Variants in EHMT1 observed in about 807,000 individuals in gnomAD.
EHMT1 encodes histone-lysine N-methyltransferase EHMT1.
A neutral mutation model predicts 147.2 loss-of-function variants in EHMT1; 15 were observed. The observed-to-expected ratio is 0.10, with a 90% CI of 0.07 to 0.16. The LOEUF (loss-of-function observed/expected upper bound fraction) is 0.16, where lower values mean the gene tolerates loss of function less well. Ranked by LOEUF, EHMT1 falls within the 10% of genes least tolerant of loss-of-function variation. The probability of loss-of-function intolerance (pLI) is 1.00; values close to 1 mark genes in which losing one functional copy is unlikely to be tolerated. For synonymous variants in EHMT1, 795 were observed against 709.6 expected (o/e 1.12, Z -1.91); for missense variants, 1,587 against 1,772.4 (o/e 0.90, Z 1.88).
chr9:137,646,998 T>C (rs967978969), intron 1 of EHMT1, among the ~76,000 whole-genome samples: 1 of 152,148 alleles, frequency 6.6e-6, no homozygotes, highest in Non-Finnish European at 1.5e-5. Context: ...TTCTCAGCCT[T>C]CGTCTTACTG....
In EHMT1 at chr9:137,732,785, A is replaced by C. The variant is rs1588430730; in HGVS notation, c.823+4256A>C. Among the ~76,000 whole-genome samples the C allele has an allele frequency of 6.6e-6, 1 of 151,994 alleles. No individual in the cohort carries two copies. Among genetic ancestry groups the C allele is most frequent in the South Asian group, 2.1e-4 (1 of 4,796 alleles). ...TGCCATTATCACTTTTATTTCTTCA[A>C]CTGTCACTCCATTGCCTGCCATTCA... On this transcript the variant is annotated intron_variant, in intron 4 of 26. Coordinates refer to ENST00000460843, the MANE Select transcript of EHMT1 (RefSeq NM_024757.5). This position sits in a 1 kb window ranked among gnomAD's most constrained non-coding sequence, Gnocchi z 4.6.
rs1048496544 is a variant in EHMT1 at position 137,619,068 on chromosome 9, G to GGGGGGCGGCGCGGGGGCGGCGC, written c.21+40_21+41insCGGGGGCGGCGCGGGGGCGGCG. ...TGCCGAGGTGAGCAGCGGGGCCGGC[G>GGGGGGCGGCGCGGGGGCGGCGC]GGGGGCGGCGCGGGGGCGGCGGGCA... On this transcript the variant is annotated intron_variant, in intron 1 of 26. Transcript: ENST00000460843. The GGGGGGCGGCGCGGGGGCGGCGC allele has an allele frequency of 1.1e-6, 1 of 874,530 alleles. No individual in the cohort carries two copies. 54.2% of individuals were successfully genotyped at this position (874,530 alleles called of 1,614,324 possible).
At chr9:137,792,278 AT>A in intron 16 of EHMT1, 2 of 334,120 alleles carry the variant, frequency 6.0e-6, no homozygotes, top group South Asian at 2.5e-5. Context: ...ATGGTCACTG[AT>A]TTTTGGCAAA....
At chr9:137,674,285 T>A (rs1941007895) in intron 1 of EHMT1, among the ~76,000 whole-genome samples, 1 of 152,248 alleles carries the variant, frequency 6.6e-6, no homozygotes, top group Non-Finnish European at 1.5e-5. Flanking sequence ...AGCCCTGTTC[T>A]GAGACCAAAT....
At chr9:137,810,921 G>A (rs1043489455) in intron 18 of EHMT1, among the ~76,000 whole-genome samples, 3 of 151,962 alleles carry the variant, frequency 2.0e-5, no homozygotes, top group Non-Finnish European at 2.9e-5. Flanking sequence ...GGCTGGTCTC[G>A]AACTCCTGAC....
intron 3 of EHMT1, 80 bp downstream of exon 3, chr9:137,717,262 G>T: frequency 6.5e-7 from 1 of 1,536,936 alleles, no homozygotes; most frequent in African/African-American, 1.4e-5. Flanking sequence ...TTGGTGCATT[G>T]AGGAGAAGCC....
chr9:137,688,428 C>A (rs1329576106), intron 1 of EHMT1, among the ~76,000 whole-genome samples: 1 of 152,210 alleles, frequency 6.6e-6, no homozygotes, highest in Non-Finnish European at 1.5e-5. Flanking sequence ...CTGCTGGACT[C>A]TTTATCCCAC....
intron 10 of EHMT1, chr9:137,763,451 C>T (rs1342564577): frequency 1.8e-5 from 3 of 165,740 alleles, no homozygotes; most frequent in Non-Finnish European, 4.0e-5. Flanking sequence ...GGCACCAGGC[C>T]GAGAGGCACC....
intron 25 of EHMT1, among the ~76,000 whole-genome samples, chr9:137,830,112 G>A (rs7850291): frequency 8.7e-6 from 1 of 115,050 alleles, no homozygotes; most frequent in East Asian, 2.1e-4. Flanking sequence ...TTTTTTTTTT[G>A]TTTACATTTT....
intron 1 of EHMT1, among the ~76,000 whole-genome samples, chr9:137,673,991 G>A (rs1940965385): frequency 6.6e-6 from 1 of 152,186 alleles, no homozygotes. Flanking sequence ...CTGTTGTCTT[G>A]GAATAGAGCC....
At chr9:137,827,164 GC>G (rs1452172621) in intron 25 of EHMT1, among the ~76,000 whole-genome samples, 1 of 152,104 alleles carries the variant, frequency 6.6e-6, no homozygotes, top group Non-Finnish European at 1.5e-5. Flanking sequence ...ACTCCTTGAT[GC>G]CCCAGAGCTG....
intron 1 of EHMT1, chr9:137,685,395 G>A (rs1475894003): frequency 6.6e-6 from 1 of 152,182 alleles, no homozygotes; most frequent in Non-Finnish European, 1.5e-5. Context: ...GTAGCATAAG[G>A]TTTTCAAGAT....
intron 1 of EHMT1, 78 bp from the exon 2 acceptor site, chr9:137,710,889 A>G (rs889873177): frequency 6.0e-6 from 9 of 1,500,418 alleles, no homozygotes; most frequent in African/African-American, 4.2e-5. Flanking sequence ...CGATTTTTTG[A>G]CTTTTTCCAA....
At chr9:137,662,798 TTA>T (rs1491025303) in intron 1 of EHMT1, among the ~76,000 whole-genome samples, 5 of 146,550 alleles carry the variant, frequency 3.4e-5, no homozygotes, top group Middle Eastern at 3.5e-3. Context: ...ATTTATTTAT[TTA>T]TTTATTTATT....
At chr9:137,620,171 A>T (rs1364935631) in intron 1 of EHMT1, 1 of 152,192 alleles carries the variant, frequency 6.6e-6, no homozygotes, top group East Asian at 1.9e-4. Context: ...CAATGCAAGG[A>T]GTTTTTGCTG....
intron 25 of EHMT1, among the ~76,000 whole-genome samples, chr9:137,821,387 G>T (rs1007375024): frequency 2.8e-5 from 4 of 144,150 alleles, no homozygotes; most frequent in Non-Finnish European, 6.0e-5. Flanking sequence ...GAGTGCAGTG[G>T]CATAATCATA....
intron 25 of EHMT1, among the ~76,000 whole-genome samples, chr9:137,832,129 G>T (rs1034650566): frequency 4.1e-5 from 6 of 146,744 alleles, no homozygotes; most frequent in African/African-American, 1.5e-4. Context: ...TCCCTCCGCA[G>T]AACCCCCCAA....
chr9:137,659,819 C>T (rs538176623), intron 1 of EHMT1, among the ~76,000 whole-genome samples: 2 of 152,084 alleles, frequency 1.3e-5, no homozygotes, highest in South Asian at 2.1e-4. Context: ...TCAAGTGATC[C>T]GCCCACCTCG....
chr9:137,688,053 T>G (rs548328236), intron 1 of EHMT1, among the ~76,000 whole-genome samples: 2 of 152,340 alleles, frequency 1.3e-5, no homozygotes, highest in Admixed American at 6.5e-5. Flanking sequence ...AGATGGAGTC[T>G]TACTCTGTTG....
Sources: gnomAD v4.1 joint callset for allele counts (sites outside exome capture counted in the v4.1 genomes callset) on GRCh38, gnomAD v4.1.1 for gene constraint, Gnocchi (gnomAD v3.1) non-coding constraint, MANE v1.5 for transcripts, NCBI Gene and HGNC (gene_info 2026-07-23, HGNC 2026-07-21) for gene names.